BACE2: variants seen among roughly 807,000 people sequenced by gnomAD.
BACE2 encodes 56 kDa aspartic-like protease.
BACE2 carries 17 observed loss-of-function variants against 46.2 expected under a neutral mutation model. That is an observed-to-expected ratio of 0.37 (90% CI 0.25 to 0.55). BACE2 has a LOEUF of 0.55. Ranked by LOEUF, BACE2 falls within the 20% of genes least tolerant of loss-of-function variation. The pLI is 0.82. For missense variants in BACE2, 595 were observed against 698.1 expected (o/e 0.85, Z 1.66); for synonymous variants, 277 against 295.9 (o/e 0.94, Z 0.66).
intron 1 of BACE2, among the ~76,000 whole-genome samples, chr21:41,169,528 C>T (rs185832926): frequency 6.7e-6 from 1 of 150,320 alleles, no homozygotes; most frequent in African/African-American, 2.4e-5. Context: ...ATTTGAAGTC[C>T]TTTGCTCAAT....
intron 4 of BACE2, among the ~76,000 whole-genome samples, chr21:41,243,001 G>A (rs1057458575): frequency 5.9e-5 from 9 of 151,902 alleles, no homozygotes; most frequent in Admixed American, 2.6e-4. Flanking sequence ...TGCAGCCTCC[G>A]CCTCCCTGTT....
chr21:41,265,968 C>T (rs1204566328), intron 8 of BACE2, among the ~76,000 whole-genome samples: 5 of 152,062 alleles, frequency 3.3e-5, no homozygotes, highest in Non-Finnish European at 7.4e-5. Flanking sequence ...GATAACTACC[C>T]CCATTGTTAT....
intron 1 of BACE2, among the ~76,000 whole-genome samples, chr21:41,225,068 A>C (rs1986768989): frequency 6.6e-6 from 1 of 152,092 alleles, no homozygotes; most frequent in African/African-American, 2.4e-5. Flanking sequence ...CCCCGTCTCT[A>C]CTAAAATTAC....
intron 8 of BACE2, among the ~76,000 whole-genome samples, chr21:41,267,197 A>T (rs1433428490): frequency 6.6e-6 from 1 of 152,024 alleles, no homozygotes; most frequent in African/African-American, 2.4e-5. Context: ...TGCTTCTCTT[A>T]TGCTTCCCCT....
chr21:41,201,494 C>A (rs531254381), intron 1 of BACE2, among the ~76,000 whole-genome samples: 1 of 152,324 alleles, frequency 6.6e-6, no homozygotes, highest in African/African-American at 2.4e-5. Flanking sequence ...GTACAAAACC[C>A]AGCACTTAAA....
At chr21:41,219,299 A>T (rs1030864756) in intron 1 of BACE2, among the ~76,000 whole-genome samples, 6 of 152,238 alleles carry the variant, frequency 3.9e-5, no homozygotes, top group Admixed American at 2.0e-4. Flanking sequence ...AATAGATGTA[A>T]AGCTTGCAGT....
chr21:41,276,001 A>C lies in BACE2; in HGVS notation c.*377A>C. ...GAAAAATAAGTACATATAGTTGATA[A>C]CCCCTCTTAGCTTACAGGAAGCTTT... On this transcript the variant is annotated 3_prime_UTR_variant, in exon 9 of 9. Transcript: ENST00000330333. 1 of 195,316 alleles carries C rather than the reference A, an allele frequency of 5.1e-6. No individual in the cohort carries two copies. The highest frequency in any genetic ancestry group is 1.2e-4 in the East Asian group (1 of 8,224). 12.1% of individuals were successfully genotyped at this position (195,316 alleles called of 1,614,324 possible).
intron 2 of BACE2, among the ~76,000 whole-genome samples, chr21:41,237,170 G>A (rs535671887): frequency 1.5e-4 from 23 of 152,236 alleles, no homozygotes; most frequent in Middle Eastern, 3.4e-3. Context: ...GGGCTTAGCC[G>A]GGCGCAGTGG....
chr21:41,187,581 G>C (rs993752493), intron 1 of BACE2, among the ~76,000 whole-genome samples: 3 of 152,180 alleles, frequency 2.0e-5, no homozygotes, highest in Non-Finnish European at 4.4e-5. Flanking sequence ...CTGCTAGCAG[G>C]CTCTAGACTC....
chr21:41,270,175 G>T (rs1403595407), intron 8 of BACE2, among the ~76,000 whole-genome samples: 2 of 152,014 alleles, frequency 1.3e-5, no homozygotes, highest in African/African-American at 2.4e-5. Flanking sequence ...GCCCATTTTT[G>T]TATAGGGTTG....
At chr21:41,247,707 TGAGCCGAAAACCAC>T (rs1987514092) in intron 6 of BACE2, among the ~76,000 whole-genome samples, 1 of 152,252 alleles carries the variant, frequency 6.6e-6, no homozygotes, top group South Asian at 2.1e-4. Flanking sequence ...TGGCATGCGC[TGAGCCGAAAACCAC>T]GAGGTAGAGG....
intron 1 of BACE2, among the ~76,000 whole-genome samples, chr21:41,218,066 A>G (rs1000491743): frequency 5.3e-5 from 8 of 152,254 alleles, no homozygotes; most frequent in African/African-American, 1.9e-4. Context: ...GGCAGCCATA[A>G]GAAATTAATG....
intron 1 of BACE2, among the ~76,000 whole-genome samples, chr21:41,170,693 G>A (rs1461816315): frequency 6.6e-6 from 1 of 152,338 alleles, no homozygotes; most frequent in South Asian, 2.1e-4. Flanking sequence ...ATGGCCAGGA[G>A]TCATGCATTT....
At chr21:41,272,990 G>A (rs532459656) in intron 8 of BACE2, among the ~76,000 whole-genome samples, 18 of 152,276 alleles carry the variant, frequency 1.2e-4, no homozygotes, top group African/African-American at 3.1e-4. Flanking sequence ...GAGTACAAAA[G>A]AGAGAAATTT....
At chr21:41,271,526 G>A (rs189685176) in intron 8 of BACE2, among the ~76,000 whole-genome samples, 1 of 152,154 alleles carries the variant, frequency 6.6e-6, no homozygotes, top group African/African-American at 2.4e-5. Context: ...ACACAACAAA[G>A]AAAACTATTT....
At chr21:41,200,690 A>G (rs920678635) in intron 1 of BACE2, among the ~76,000 whole-genome samples, 6 of 152,168 alleles carry the variant, frequency 3.9e-5, no homozygotes, top group Non-Finnish European at 7.3e-5. Flanking sequence ...GTGGGCCCTG[A>G]TCCAGTCTGA....
In BACE2 at chr21:41,278,692, A is replaced by G. The variant is rs2088514464; in HGVS notation, c.*3068A>G. 6.6e-6 allele frequency: 1 copy of G among 152,210 alleles called. No homozygotes were observed. Among genetic ancestry groups the G allele is most frequent in the South Asian group, 2.1e-4 (1 of 4,828 alleles). The allele number at this position is 152,210 out of a possible 1,614,324, so 9.4% of individuals were successfully genotyped here. The stretch of plus-strand genomic sequence containing the variant: ...AAAGCAATTGTGAGTTGGGGATTCC[A>G]TCATTTCATTTAAGAGGTGAAGAGG... On this transcript the variant is annotated 3_prime_UTR_variant, in exon 9 of 9. Transcript: ENST00000330333.
intron 1 of BACE2, chr21:41,178,938 T>G: frequency 2.3e-6 from 1 of 430,182 alleles, no homozygotes; most frequent in Non-Finnish European, 3.9e-6. Context: ...GAATCCTGCT[T>G]TATAAGGGCG....
chr21:41,220,336 T>C (rs760483955), intron 1 of BACE2, among the ~76,000 whole-genome samples: 16 of 152,156 alleles, frequency 1.1e-4, no homozygotes, highest in Non-Finnish European at 1.8e-4. Flanking sequence ...TGGCCATTGG[T>C]GATCAGCTTA....
Sources: allele counts gnomAD v4.1 joint callset (sites outside exome capture counted in the v4.1 genomes callset), GRCh38; gene constraint gnomAD v4.1.1; transcripts MANE v1.5; gene names NCBI Gene and HGNC (gene_info 2026-07-23, HGNC 2026-07-21).